ITPKC: variants seen among roughly 807,000 people sequenced by gnomAD.
ITPKC encodes the protein IP3 3-kinase C.
ITPKC carries 33 observed loss-of-function variants against 67.1 expected under a neutral mutation model. That is an observed-to-expected ratio of 0.49 (90% CI 0.37 to 0.66). The LOEUF (loss-of-function observed/expected upper bound fraction) is 0.66. Ranked by LOEUF, ITPKC falls within the 30% of genes least tolerant of loss-of-function variation. ITPKC has a pLI of 0.00. For missense variants in ITPKC, 820 were observed against 892.1 expected (o/e 0.92, Z 1.03); for synonymous variants, 341 against 359.8 (o/e 0.95, Z 0.59).
At chr19:40,722,863 C>A (rs867277516) in intron 1 of ITPKC, among the ~76,000 whole-genome samples, 1 of 151,912 alleles carries the variant, frequency 6.6e-6, no homozygotes, top group African/African-American at 2.4e-5. Context: ...TGCAGCCTCA[C>A]CCTCCAGGGC....
In ITPKC at chr19:40,733,343, C is replaced by T. The variant is rs1280738965; in HGVS notation, c.1653C>T (p.Gly551=). ...RETMSSTSTL[G]FRIEGIKKAD... is the part of the protein sequence containing the mutation. ...CCATGAGCTCCACCTCTACCCTGGG[C>T]TTCCGGATCGAGGGCATCAAGGTGA... is the stretch of plus-strand genomic sequence containing the variant. Residue 551 remains glycine, a synonymous_variant, in exon 4 of 7, where the codon GGC becomes GGT. Coordinates refer to ENST00000263370, the MANE Select transcript of ITPKC (RefSeq NM_025194.3). 1.2e-6 allele frequency: 2 copies of T among 1,611,582 alleles called. No individual in the cohort carries two copies. The highest frequency in any genetic ancestry group is 2.2e-5 in the South Asian group (2 of 90,660).
At chr19:40,727,861 C>T (rs753045940) in intron 2 of ITPKC, among the ~76,000 whole-genome samples, 11 of 152,110 alleles carry the variant, frequency 7.2e-5, no homozygotes, top group East Asian at 5.8e-4. Flanking sequence ...GTTGCCCAGG[C>T]GGGAGTGCAG....
chr19:40,736,843 TA>T, intron 4 of ITPKC, 142 bp from the exon 5 acceptor site: 1 of 509,044 alleles, frequency 2.0e-6, no homozygotes, highest in Non-Finnish European at 3.6e-6. Context: ...TTTTTTTTTT[TA>T]AATAGAGATG....
At chr19:40,726,343 G>A (rs1290234675) in intron 2 of ITPKC, among the ~76,000 whole-genome samples, 3 of 152,190 alleles carry the variant, frequency 2.0e-5, no homozygotes, top group East Asian at 3.8e-4. Flanking sequence ...GTAAGTAGCA[G>A]CTGTAACATT....
At chr19:40,724,029 T>A (rs2144737327) in intron 1 of ITPKC, among the ~76,000 whole-genome samples, 1 of 152,178 alleles carries the variant, frequency 6.6e-6, no homozygotes, top group East Asian at 1.9e-4. Context: ...TCTTACTCCC[T>A]CCCCCACTGG....
At chr19:40,728,023 T>C (rs906074807) in intron 2 of ITPKC, among the ~76,000 whole-genome samples, 1 of 152,102 alleles carries the variant, frequency 6.6e-6, no homozygotes, top group Non-Finnish European at 1.5e-5. Flanking sequence ...GAAAATTCTA[T>C]AAGAGCAGGA....
At chr19:40,727,968 C>T (rs2082253814) in intron 2 of ITPKC, among the ~76,000 whole-genome samples, 2 of 152,308 alleles carry the variant, frequency 1.3e-5, no homozygotes, top group Admixed American at 6.5e-5. Context: ...GCATGAGCCA[C>T]TGCACCCAGC....
chr19:40,731,482 T>C lies in ITPKC; in HGVS notation c.1470-1678T>C, dbSNP rs578061101. 3.3e-5 allele frequency among the ~76,000 whole-genome samples: 5 copies of C among 151,752 alleles called. No individual in the cohort carries two copies. In the East Asian group the frequency reaches 9.7e-4, roughly 29 times the overall value. Reference sequence around the variant, plus strand: ...ATACTGCAAAAGATGAAGAGAAGTGTAGGGCAAGGTATGGGGGAAGGGGTA... The same window carrying C: ...ATACTGCAAAAGATGAAGAGAAGTGCAGGGCAAGGTATGGGGGAAGGGGTA... On this transcript the variant is annotated intron_variant, in intron 3 of 6. Coordinates refer to ENST00000263370, the MANE Select transcript of ITPKC (RefSeq NM_025194.3).
At chr19:40,728,088 T>C in intron 2 of ITPKC, among the ~76,000 whole-genome samples, 1 of 152,186 alleles carries the variant, frequency 6.6e-6, no homozygotes, top group South Asian at 2.1e-4. Context: ...TAGCCAACTT[T>C]GGAAAATGTA....
At chr19:40,734,950 T>G (rs2082288361) in intron 4 of ITPKC, among the ~76,000 whole-genome samples, 1 of 152,002 alleles carries the variant, frequency 6.6e-6, no homozygotes, top group South Asian at 2.1e-4. Context: ...CCTGGCTAAT[T>G]TTTGTATTTT....
At chr19:40,734,138 G>T (rs2082284021) in intron 4 of ITPKC, among the ~76,000 whole-genome samples, 1 of 152,086 alleles carries the variant, frequency 6.6e-6, no homozygotes, top group Admixed American at 6.6e-5. Flanking sequence ...TTGGTACTTT[G>T]CTATTTTCAC....
Position 40,717,395 on chromosome 19 carries a change from C to G in ITPKC, c.260C>G (p.Ala87Gly). 1 of 1,613,520 alleles carries G rather than the reference C, an allele frequency of 6.2e-7. No individual in the cohort carries two copies. Among genetic ancestry groups the G allele is most frequent in the Non-Finnish European group, 8.5e-7 (1 of 1,179,952 alleles). Reference sequence around the variant, plus strand: ...GCGCCGGGGACAGAGAGTCCGCAGGCAGAATTCTGGACAGACGGACAGACT... The same window carrying G: ...GCGCCGGGGACAGAGAGTCCGCAGGGAGAATTCTGGACAGACGGACAGACT... ...GPAPGTESPQAEFWTDGQTEP... is the reference protein window; with the variant it reads ...GPAPGTESPQGEFWTDGQTEP... The change falls in exon 1 of 7, where the codon GCA becomes GGA. Residue 87 changes from alanine to glycine, a missense_variant. Physicochemically the swap from Ala to Gly is moderately conservative, Grantham distance 60 (BLOSUM62 0). Coordinates refer to ENST00000263370, the MANE Select transcript of ITPKC (RefSeq NM_025194.3).
At chr19:40,724,157 C>A (rs2082235266) in intron 1 of ITPKC, among the ~76,000 whole-genome samples, 1 of 152,160 alleles carries the variant, frequency 6.6e-6, no homozygotes, top group South Asian at 2.1e-4. Context: ...CCTATAATCC[C>A]AGCACTTTGG....
intron 4 of ITPKC, among the ~76,000 whole-genome samples, chr19:40,735,337 T>C (rs2082289832): frequency 6.6e-6 from 1 of 151,886 alleles, no homozygotes; most frequent in African/African-American, 2.4e-5. Flanking sequence ...AGGAATGCTC[T>C]TCTATTTTTT....
chr19:40,731,537 C>A (rs1377807863), intron 3 of ITPKC, among the ~76,000 whole-genome samples: 2 of 151,438 alleles, frequency 1.3e-5, no homozygotes, highest in East Asian at 3.9e-4. Flanking sequence ...CTGGGCGCAC[C>A]ACGCTCCAGG....
intron 1 of ITPKC, 69 bp from the exon 2 acceptor site, chr19:40,725,271 A>G: frequency 1.0e-6 from 1 of 987,014 alleles, no homozygotes; most frequent in South Asian, 1.3e-5. Context: ...GTTCCCTCTC[A>G]TGGCAGCACC....
intron 3 of ITPKC, among the ~76,000 whole-genome samples, chr19:40,732,825 A>T (rs188374702): frequency 2.1e-4 from 32 of 152,322 alleles, no homozygotes; most frequent in African/African-American, 7.5e-4. Flanking sequence ...GTTTTCTTCT[A>T]CAAGCTTTAT....
In ITPKC at chr19:40,739,641, TG is replaced by T. The variant is rs2082314375; in HGVS notation, c.*83del. 1 of 1,303,104 alleles carries T rather than the reference TG, an allele frequency of 7.7e-7. No homozygotes were observed. Among genetic ancestry groups the T allele is most frequent in the Non-Finnish European group, 1.1e-6 (1 of 939,098 alleles). 80.7% of individuals were successfully genotyped at this position (1,303,104 alleles called of 1,614,324 possible). On this transcript the variant is annotated 3_prime_UTR_variant, in exon 7 of 7. Transcript: ENST00000263370. ...TGAGATGCCATGGGAGGCCTGAGGTTGGCCACGGGGGAGCTGGCCTCCAGGG... is the reference window on the plus strand; with the variant it reads ...TGAGATGCCATGGGAGGCCTGAGGTTGCCACGGGGGAGCTGGCCTCCAGGG...
At chr19:40,720,233 G>A (rs1002986257) in intron 1 of ITPKC, among the ~76,000 whole-genome samples, 10 of 152,022 alleles carry the variant, frequency 6.6e-5, no homozygotes, top group African/African-American at 2.2e-4. Flanking sequence ...GGCGTGTGAT[G>A]GCGGGCACCT....
Sources: allele counts gnomAD v4.1 joint callset (sites outside exome capture counted in the v4.1 genomes callset), GRCh38; gene constraint gnomAD v4.1.1; transcripts MANE v1.5; gene names NCBI Gene and HGNC (gene_info 2026-07-23, HGNC 2026-07-21).